RBFOX1: variants seen among roughly 807,000 people sequenced by gnomAD.
RBFOX1 encodes the protein RNA binding protein fox-1 homolog 1.
Under a neutral mutation model 57.7 loss-of-function variants are expected in RBFOX1, and 8 were observed. The observed-to-expected ratio is 0.14, with a 90% CI of 0.08 to 0.25. RBFOX1 has a LOEUF of 0.25. RBFOX1 is among the 10% of genes least tolerant of loss of function. The pLI is 1.00. For missense variants in RBFOX1, 611 were observed against 548.5 expected (o/e 1.11, Z -1.14); for synonymous variants, 326 against 222.4 (o/e 1.47, Z -4.15).
intron 1 of RBFOX1, among the ~76,000 whole-genome samples, chr16:5,301,218 C>T (rs541030215): frequency 5.9e-5 from 9 of 152,314 alleles, no homozygotes; most frequent in African/African-American, 2.2e-4. Context: ...CAGCTACCAC[C>T]ATGGAGAGGT....
chr16:5,797,849 T>TA (rs2151746820), intron 3 of RBFOX1, among the ~76,000 whole-genome samples: 1 of 152,304 alleles, frequency 6.6e-6, no homozygotes, highest in East Asian at 1.9e-4. Flanking sequence ...GACTTATAGG[T>TA]AAGTCATGAG....
chr16:6,292,863 C>A (rs140780779), intron 1 of RBFOX1, among the ~76,000 whole-genome samples: 93 of 152,288 alleles, frequency 6.1e-4, no homozygotes, highest in African/African-American at 2.1e-3. Flanking sequence ...CTACTTCTTA[C>A]AAAATACAGT....
intron 3 of RBFOX1, among the ~76,000 whole-genome samples, chr16:6,942,232 A>G (rs2078665780): frequency 6.6e-6 from 1 of 152,140 alleles, no homozygotes; most frequent in Non-Finnish European, 1.5e-5. Flanking sequence ...GTGAACCAGG[A>G]TCCCACCACT....
At chr16:5,877,553 C>A (rs185521406) in intron 4 of RBFOX1, among the ~76,000 whole-genome samples, 1 of 152,292 alleles carries the variant, frequency 6.6e-6, no homozygotes, top group East Asian at 1.9e-4. Flanking sequence ...GGGGCTTAGC[C>A]GAAGAGGGTT....
chr16:7,653,248 C>G (rs551554427), intron 11 of RBFOX1, among the ~76,000 whole-genome samples: 1 of 152,306 alleles, frequency 6.6e-6, no homozygotes, highest in South Asian at 2.1e-4. Flanking sequence ...TAACTGTAAT[C>G]TCAGCACTTT....
chr16:7,259,653 T>C (rs2094839715), intron 4 of RBFOX1, among the ~76,000 whole-genome samples: 1 of 152,192 alleles, frequency 6.6e-6, no homozygotes, highest in Non-Finnish European at 1.5e-5. Flanking sequence ...GCCTATAGCT[T>C]TTGAAATTTT....
intron 11 of RBFOX1, 79 bp from the exon 12 acceptor site, chr16:7,653,736 T>C (rs1264316510): frequency 1.9e-6 from 3 of 1,585,756 alleles, no homozygotes; most frequent in Non-Finnish European, 2.6e-6. Flanking sequence ...GGACAAGGGT[T>C]CCCGGGGCAG....
intron 4 of RBFOX1, among the ~76,000 whole-genome samples, chr16:5,975,537 C>G (rs1156432255): frequency 6.6e-6 from 1 of 152,136 alleles, no homozygotes; most frequent in African/African-American, 2.4e-5. Context: ...GATTTTTCCC[C>G]TTTATAAGCT....
chr16:6,738,665 C>T (rs1448811911), intron 3 of RBFOX1, among the ~76,000 whole-genome samples: 1 of 152,064 alleles, frequency 6.6e-6, no homozygotes, highest in South Asian at 2.1e-4. Flanking sequence ...AACCCTTTAC[C>T]CCAAAAGAGC....
intron 1 of RBFOX1, among the ~76,000 whole-genome samples, chr16:5,289,784 C>T (rs1317592693): frequency 1.3e-5 from 2 of 152,232 alleles, no homozygotes; most frequent in Non-Finnish European, 2.9e-5. Context: ...CTCAGTCTCT[C>T]AGGGTGAGGA....
At chr16:7,645,953 C>CT (rs199902193) in intron 11 of RBFOX1, among the ~76,000 whole-genome samples, 114 of 144,090 alleles carry the variant, frequency 7.9e-4, no homozygotes, top group South Asian at 1.3e-3. Context: ...ACCCACCCAC[C>CT]TTTTTTTTTT....
At chr16:7,690,066 T>A in intron 14 of RBFOX1, among the ~76,000 whole-genome samples, 1 of 152,122 alleles carries the variant, frequency 6.6e-6, no homozygotes, top group East Asian at 1.9e-4. Flanking sequence ...TTGAATCCAC[T>A]TCCTTGAATC....
intron 4 of RBFOX1, among the ~76,000 whole-genome samples, chr16:7,121,622 G>T (rs575947930): frequency 6.6e-6 from 1 of 151,934 alleles, no homozygotes; most frequent in Non-Finnish European, 1.5e-5. Context: ...TATTAATTCT[G>T]TACAAATTGG....
rs192794805 is a variant in RBFOX1 at position 5,879,965 on chromosome 16, C to T, written c.351+12630C>T. On this transcript the variant is annotated intron_variant, in intron 4 of 19. Coordinates refer to the RBFOX1 transcript ENST00000641259. The stretch of plus-strand genomic sequence containing the variant: ...CCAGCTAGAACGTATCTCAGGGAAC[C>T]TGTAACAAGAGGCCTGAGAAGGTGA... 1.4e-4 allele frequency among the ~76,000 whole-genome samples: 22 copies of T among 152,298 alleles called. No individual in the cohort carries two copies. In the East Asian group the frequency reaches 4.1e-3, roughly 28 times the overall value.
intron 1 of RBFOX1, among the ~76,000 whole-genome samples, chr16:6,022,501 C>G (rs2095102065): frequency 6.6e-6 from 1 of 151,992 alleles, no homozygotes; most frequent in Non-Finnish European, 1.5e-5. Flanking sequence ...GACAACTTAG[C>G]AAAACCCTGT....
At chr16:7,559,430 GA>G (rs1329370829) in intron 5 of RBFOX1, among the ~76,000 whole-genome samples, 1 of 152,126 alleles carries the variant, frequency 6.6e-6, no homozygotes, top group African/African-American at 2.4e-5. Flanking sequence ...TCCAGTCAGA[GA>G]AACCATTGGA....
chr16:6,816,001 C>G (rs963832494), intron 3 of RBFOX1, among the ~76,000 whole-genome samples: 20 of 152,274 alleles, frequency 1.3e-4, no homozygotes, highest in Non-Finnish European at 2.5e-4. Flanking sequence ...GAGTTTCTTT[C>G]TGCCTATTGT....
chr16:7,642,941 A>G (rs573528271), intron 11 of RBFOX1, among the ~76,000 whole-genome samples: 5 of 152,310 alleles, frequency 3.3e-5, no homozygotes, highest in East Asian at 1.9e-4. Flanking sequence ...CGGCGGGGGA[A>G]ATTGTCGATA....
At position 7,398,484 on chromosome 16, in the gene RBFOX1, C is replaced by A. The variant is rs538769695; in HGVS notation, c.28-119663C>A. ...ATTCTTATATTAACTTGGTGATAGG[C>A]ATCAGTGGTTGAATTATCTGGAGAA... On this transcript the variant is annotated intron_variant, in intron 4 of 15. Transcript: ENST00000550418. 1.1e-4 allele frequency among the ~76,000 whole-genome samples: 16 copies of A among 152,346 alleles called. 1 individual carries two copies. In the South Asian group the frequency reaches 3.3e-3, roughly 32 times the overall value.
Sources: allele counts gnomAD v4.1 joint callset (sites outside exome capture counted in the v4.1 genomes callset), GRCh38; gene constraint gnomAD v4.1.1; transcripts MANE v1.5; gene names NCBI Gene and HGNC (gene_info 2026-07-23, HGNC 2026-07-21).